Variants in POTEF observed in about 807,000 individuals in gnomAD.
POTEF encodes POTE ankyrin domain family member F.
POTEF carries 20 observed loss-of-function variants against 83.2 expected under a neutral mutation model. The ratio of observed to expected loss-of-function variants is 0.24; its 90% CI spans 0.17 to 0.35. The LOEUF is 0.35. Among genes scored for constraint, POTEF ranks in the 10% least tolerant of loss-of-function variants. The pLI is 1.00. For missense variants in POTEF, 550 were observed against 1,203.2 expected (o/e 0.46, Z 8.03); for synonymous variants, 196 against 446.4 (o/e 0.44, Z 7.07).
Position 130,073,901 on chromosome 2 carries a change from G to A in POTEF, c.*343C>T. ...GCTATCACCTCCCCTGTGTGAACTAGGGAGAGGACTGGGCCATTCTCCTTA... is the reference window on the plus strand; with the variant it reads ...GCTATCACCTCCCCTGTGTGAACTAAGGAGAGGACTGGGCCATTCTCCTTA... On this transcript the variant is annotated 3_prime_UTR_variant, in exon 17 of 17. Coordinates refer to ENST00000409914, the MANE Select transcript of POTEF (RefSeq NM_001099771.2). The A allele has an allele frequency of 2.2e-6, 1 of 464,562 alleles. No homozygotes were observed. 28.8% of individuals were successfully genotyped at this position (464,562 alleles called of 1,614,324 possible). A position where few individuals can be genotyped will look rare whatever the true frequency, so the allele number is the denominator to read the frequency against.
In POTEF at chr2:130,075,205, T is replaced by C; in HGVS notation, c.2267A>G (p.Lys756Arg). 1 of 1,612,778 alleles carries C rather than the reference T, an allele frequency of 6.2e-7. No homozygotes were observed. Among genetic ancestry groups the C allele is most frequent in the Non-Finnish European group, 8.5e-7 (1 of 1,179,896 alleles). The change falls in exon 17 of 17, where the codon AAG (lysine) becomes AGG (arginine). Residue 756 changes from lysine (K) to arginine (R), a missense_variant. Coordinates refer to ENST00000409914, the MANE Select transcript of POTEF (RefSeq NM_001099771.2). Reference protein sequence around the residue: ...GMHQKESYVGKEAQSKRGILT... With the variant: ...GMHQKESYVGREAQSKRGILT... ...GATGCCTCTTTTGCTCTGGGCCTCCTTGCCCACATAGGACTCTTTCTGATG... is the reference window on the plus strand; with the variant it reads ...GATGCCTCTTTTGCTCTGGGCCTCCCTGCCCACATAGGACTCTTTCTGATG...
At chr2:130,120,783 C>T in intron 2 of POTEF, 175 bp from the exon 3 acceptor site, 1 of 619,708 alleles carries the variant, frequency 1.6e-6, no homozygotes, top group East Asian at 3.0e-5. Context: ...AAGAAAACAC[C>T]CAGCCCACCC....
chr2:130,123,221 T>C (rs1258281224), intron 2 of POTEF, among the ~76,000 whole-genome samples: 4 of 144,568 alleles, frequency 2.8e-5, no homozygotes. Context: ...AAGGTTTTAA[T>C]CTAACAATTT....
intron 7 of POTEF, 29 bp from the exon 8 acceptor site, chr2:130,108,108 T>A (rs1420178405): frequency 6.4e-7 from 1 of 1,556,078 alleles, no homozygotes; most frequent in African/African-American, 1.4e-5. Flanking sequence ...TAAACCAAAT[T>A]ACTATTTTAA....
intron 3 of POTEF, among the ~76,000 whole-genome samples, chr2:130,116,123 A>G (rs1203448679): frequency 6.6e-6 from 1 of 152,080 alleles, no homozygotes; most frequent in Non-Finnish European, 1.5e-5. Context: ...GGTGAAAACA[A>G]AAACAAATTT....
At chr2:130,113,523 T>C (rs1171284060) in intron 5 of POTEF, among the ~76,000 whole-genome samples, 3 of 93,220 alleles carry the variant, frequency 3.2e-5, no homozygotes, top group East Asian at 3.1e-4. Flanking sequence ...TTGTTGTTGT[T>C]GTCGTTGTTG....
At chr2:130,106,994 A>T (rs1166293581) in intron 8 of POTEF, among the ~76,000 whole-genome samples, 1 of 150,118 alleles carries the variant, frequency 6.7e-6, no homozygotes, top group Admixed American at 6.6e-5. Context: ...CCTGCAACTT[A>T]TAAAACCTAA....
chr2:130,110,408 G>T, intron 7 of POTEF, 135 bp downstream of exon 7: 1 of 1,582,632 alleles, frequency 6.3e-7, no homozygotes, highest in Non-Finnish European at 8.6e-7. Context: ...GCTGATGCAG[G>T]GGACTAAAAC....
At chr2:130,128,869 C>A (rs1685168337) in intron 1 of POTEF, among the ~76,000 whole-genome samples, 1 of 119,528 alleles carries the variant, frequency 8.4e-6, no homozygotes, top group Non-Finnish European at 1.7e-5. Flanking sequence ...CAACCTGCCT[C>A]CCCCCCATCA....
At chr2:130,128,813 T>G (rs59844074) in intron 1 of POTEF, among the ~76,000 whole-genome samples, 28 of 92,518 alleles carry the variant, frequency 3.0e-4, no homozygotes, top group African/African-American at 1.3e-3. Context: ...CAGAAAATAG[T>G]GCCCCTAACC....
At chr2:130,128,853 T>G in intron 1 of POTEF, among the ~76,000 whole-genome samples, 1 of 111,356 alleles carries the variant, frequency 9.0e-6, no homozygotes, top group Non-Finnish European at 1.8e-5. Context: ...TACACGTTAG[T>G]GCACACAACC....
chr2:130,116,987 A>G (rs912106904), intron 3 of POTEF, among the ~76,000 whole-genome samples: 1 of 143,486 alleles, frequency 7.0e-6, no homozygotes, highest in Non-Finnish European at 1.5e-5. Context: ...TGCCTGCCAC[A>G]TAATAGGTGT....
intron 8 of POTEF, among the ~76,000 whole-genome samples, chr2:130,103,055 GTT>G (rs1428248815): frequency 1.4e-5 from 2 of 147,044 alleles, no homozygotes; most frequent in Non-Finnish European, 3.0e-5. Flanking sequence ...TATCTAAAAT[GTT>G]TTCCTCCACT....
intron 2 of POTEF, among the ~76,000 whole-genome samples, chr2:130,121,112 G>C (rs1350469639): frequency 6.6e-6 from 1 of 151,576 alleles, no homozygotes. Context: ...GCTGCCGGGC[G>C]TGTGCGCGCG....
In POTEF at chr2:130,118,412, T is replaced by C. The variant is rs192099503; in HGVS notation, c.521+1583A>G. On this transcript the variant is annotated intron_variant, in intron 3 of 16. Coordinates refer to ENST00000409914, the MANE Select transcript of POTEF (RefSeq NM_001099771.2). ...GAGCTTATTTTATTATGTCTGCAAA[T>C]ATGGCCAGGCACAGTGGCTCACGCC... Among the ~76,000 whole-genome samples the C allele has an allele frequency of 2.2e-3, 329 of 151,254 alleles. 6 individuals carry two copies. Among genetic ancestry groups the C allele is most frequent in the African/African-American group, 7.6e-3 (314 of 41,060 alleles).
In POTEF at chr2:130,107,998, A is replaced by G. The variant is rs1684590363; in HGVS notation, c.1126+11T>C. 1.2e-6 allele frequency: 2 copies of G among 1,608,722 alleles called. No homozygotes were observed. Among genetic ancestry groups the G allele is most frequent in the African/African-American group, 1.4e-5 (1 of 73,112 alleles). On this transcript the variant is annotated intron_variant, in intron 8 of 16. Transcript: ENST00000409914. Reference sequence around the variant, plus strand: ...CAACTGACTAAAGTAATTCACTATCACAAGTCTTACCTGGATTGCTGTTTT... The same window carrying G: ...CAACTGACTAAAGTAATTCACTATCGCAAGTCTTACCTGGATTGCTGTTTT...
chr2:130,075,518 G>A lies in POTEF; in HGVS notation c.1954C>T (p.Arg652Trp), dbSNP rs764880739. 1.1e-3 allele frequency: 1,724 copies of A among 1,607,844 alleles called. 24 individuals carry two copies. In the Middle Eastern group the frequency reaches 0.011, roughly 10 times the overall value. The change falls in exon 17 of 17, where the codon CGG becomes TGG. Residue 652 changes from arginine (R) to tryptophan (W), a missense_variant. Arg to Trp is a moderately radical substitution (Grantham distance 101). Coordinates refer to ENST00000409914, the MANE Select transcript of POTEF (RefSeq NM_001099771.2). ...KDILHENSTLREEIAMLRLEL... is the reference protein window; with the variant it reads ...KDILHENSTLWEEIAMLRLEL... ...AGTCTTAGCATGGCAATTTCTTCCC[G>A]CAACGTACTATTTTCATGCAAGATG...
chr2:130,101,549 A>G (rs1324915929), intron 9 of POTEF, among the ~76,000 whole-genome samples: 1 of 150,196 alleles, frequency 6.7e-6, no homozygotes, highest in African/African-American at 2.5e-5. Flanking sequence ...ACGAGAGACC[A>G]TAAGGCAGAA....
chr2:130,120,299 T>G lies in POTEF; in HGVS notation c.217A>C (p.Arg73=). Residue 73 remains arginine, a synonymous_variant, in exon 3 of 17, where the codon AGG becomes CGG. Transcript: ENST00000409914. ...KWCRHCFPCC[R]GSGKSNVGAS... Reference sequence around the variant, plus strand: ...CCCACGTTGCTCTTGCCACTCCCCCTGCAGCAGGGGAAGCAGTGGCGGCAC... The same window carrying G: ...CCCACGTTGCTCTTGCCACTCCCCCGGCAGCAGGGGAAGCAGTGGCGGCAC... 1.2e-6 allele frequency: 2 copies of G among 1,606,516 alleles called. No homozygotes were observed. The highest frequency in any genetic ancestry group is 1.7e-6 in the Non-Finnish European group (2 of 1,179,014).
Sources: gnomAD v4.1 joint callset for allele counts (sites outside exome capture counted in the v4.1 genomes callset) on GRCh38, gnomAD v4.1.1 for gene constraint, MANE v1.5 for transcripts, NCBI Gene and HGNC (gene_info 2026-07-23, HGNC 2026-07-21) for gene names.